Variants in DLG2 observed in about 807,000 individuals in gnomAD.
DLG2 encodes the protein discs large MAGUK scaffold protein 2.
In DLG2, 45 loss-of-function variants were observed where a neutral mutation model predicts 132.5. The ratio of observed to expected loss-of-function variants is 0.34; its 90% CI spans 0.27 to 0.44. The LOEUF (loss-of-function observed/expected upper bound fraction) is 0.44. DLG2 is among the 20% of genes least tolerant of loss of function. DLG2 has a pLI of 1.00. For synonymous variants in DLG2, 424 were observed against 419.6 expected (o/e 1.01, Z -0.13); for missense variants, 1,045 against 1,196.9 (o/e 0.87, Z 1.87).
intron 3 of DLG2, among the ~76,000 whole-genome samples, chr11:85,591,546 C>T (rs1451815872): frequency 1.3e-5 from 2 of 152,118 alleles, no homozygotes. Context: ...CAAGACCAGC[C>T]TGGTCAACAT....
intron 6 of DLG2, among the ~76,000 whole-genome samples, chr11:84,871,543 A>G (rs1433579141): frequency 6.6e-6 from 1 of 152,178 alleles, no homozygotes; most frequent in Non-Finnish European, 1.5e-5. Context: ...CTAAATAACC[A>G]AAGGGATGAA....
At chr11:83,780,711 G>A (rs1307212042) in intron 18 of DLG2, among the ~76,000 whole-genome samples, 1 of 152,144 alleles carries the variant, frequency 6.6e-6, no homozygotes, top group East Asian at 1.9e-4. Flanking sequence ...GTATTTAGAT[G>A]GGCGGGGTAG....
At position 83,509,368 on chromosome 11, in the gene DLG2, G is replaced by A. The variant is rs141188752; in HGVS notation, c.2193+23340C>T. Among the ~76,000 whole-genome samples the A allele has an allele frequency of 7.2e-5, 11 of 152,270 alleles. No homozygotes were observed. The East Asian group carries it at 2.1e-3, about 29-fold the overall frequency. On this transcript the variant is annotated intron_variant, in intron 21 of 27. Transcript: ENST00000376104. The stretch of plus-strand genomic sequence containing the variant: ...TGAGGCTCAGTGGTAACTTGTTCAA[G>A]GTCACAAATCTAGAAAACAGGAAAG...
intron 17 of DLG2, among the ~76,000 whole-genome samples, chr11:83,816,489 T>A (rs2153973359): frequency 6.6e-6 from 1 of 152,042 alleles, no homozygotes; most frequent in South Asian, 2.1e-4. Flanking sequence ...CCTCTGAACC[T>A]CAGTTTTTTT....
chr11:85,060,809 G>T (rs191447740), intron 6 of DLG2, among the ~76,000 whole-genome samples: 1 of 151,422 alleles, frequency 6.6e-6, no homozygotes, highest in East Asian at 1.9e-4. Flanking sequence ...GTGTATAAGG[G>T]TTCTAATTTC....
chr11:85,567,944 T>C (rs2077619960), intron 3 of DLG2, among the ~76,000 whole-genome samples: 1 of 152,138 alleles, frequency 6.6e-6, no homozygotes, highest in Admixed American at 6.5e-5. Flanking sequence ...TTTCACATTG[T>C]AAACCATCTT....
At chr11:84,666,444 T>A (rs2099699857) in intron 6 of DLG2, among the ~76,000 whole-genome samples, 1 of 152,138 alleles carries the variant, frequency 6.6e-6, no homozygotes, top group African/African-American at 2.4e-5. Flanking sequence ...CAATTCATTA[T>A]AATAAATCTC....
chr11:84,098,383 T>C (rs2097196157), intron 10 of DLG2, among the ~76,000 whole-genome samples: 1 of 152,174 alleles, frequency 6.6e-6, no homozygotes, highest in Non-Finnish European at 1.5e-5. Context: ...CCTTTTTTTC[T>C]GAGGGACAAC....
intron 6 of DLG2, among the ~76,000 whole-genome samples, chr11:84,658,736 C>T (rs904041868): frequency 6.6e-6 from 1 of 152,154 alleles, no homozygotes; most frequent in Non-Finnish European, 1.5e-5. Flanking sequence ...CCTCTTTTGC[C>T]TTCCACCACG....
intron 26 of DLG2, among the ~76,000 whole-genome samples, chr11:83,464,132 G>A (rs903909582): frequency 1.3e-5 from 2 of 152,216 alleles, no homozygotes; most frequent in African/African-American, 4.8e-5. Context: ...GGAGCAGGAA[G>A]GTAAAAGCAG....
chr11:85,585,719 T>G (rs952808271), intron 3 of DLG2, among the ~76,000 whole-genome samples: 13 of 152,040 alleles, frequency 8.6e-5, no homozygotes, highest in African/African-American at 2.7e-4. Context: ...ATCACAGTTT[T>G]TTTTTTTTTT....
intron 20 of DLG2, among the ~76,000 whole-genome samples, chr11:83,537,976 G>A (rs982670221): frequency 6.6e-6 from 1 of 151,988 alleles, no homozygotes; most frequent in Non-Finnish European, 1.5e-5. Context: ...CCACTTACTA[G>A]GTCTATAATT....
In DLG2 at chr11:85,061,691, T is replaced by A. The variant is rs144410296; in HGVS notation, c.357+49970A>T. ...ACACTATTGGCCAAATCCTAAGAAA[T>A]TGTGAACGACAAATTCCATCACTAA... On this transcript the variant is annotated intron_variant, in intron 6 of 27. Coordinates refer to ENST00000376104, the MANE Select transcript of DLG2 (RefSeq NM_001142699.3). Among the ~76,000 whole-genome samples, 638 of 151,982 alleles carry A rather than the reference T, an allele frequency of 4.2e-3. 8 individuals carry two copies. The highest frequency in any genetic ancestry group is 0.013 in the African/African-American group (523 of 41,526).
At chr11:85,214,107 C>T (rs2082422391) in intron 4 of DLG2, among the ~76,000 whole-genome samples, 1 of 152,156 alleles carries the variant, frequency 6.6e-6, no homozygotes, top group Non-Finnish European at 1.5e-5. Flanking sequence ...TCAGCCCATG[C>T]TGTTCACTCC....
chr11:84,279,750 T>A (rs907278632), intron 7 of DLG2, among the ~76,000 whole-genome samples: 3 of 151,686 alleles, frequency 2.0e-5, no homozygotes, highest in African/African-American at 7.3e-5. Flanking sequence ...TAAGTAGGAG[T>A]TGAACAATGA....
intron 6 of DLG2, among the ~76,000 whole-genome samples, chr11:84,651,873 C>T (rs1306904780): frequency 6.6e-6 from 1 of 151,964 alleles, no homozygotes; most frequent in Non-Finnish European, 1.5e-5. Context: ...ATTCTAAGAC[C>T]CCAAAGAGTC....
At chr11:85,099,784 A>C (rs577255774) in intron 6 of DLG2, among the ~76,000 whole-genome samples, 148 of 152,338 alleles carry the variant, frequency 9.7e-4, no homozygotes, top group Non-Finnish European at 1.3e-3. Context: ...TGGTCTAACA[A>C]TACCAGATAA....
At chr11:84,444,764 T>C (rs1236773398) in intron 7 of DLG2, among the ~76,000 whole-genome samples, 1 of 152,104 alleles carries the variant, frequency 6.6e-6, no homozygotes, top group Non-Finnish European at 1.5e-5. Flanking sequence ...TAGAGCACTT[T>C]TATAGTATCT....
At chr11:83,633,962 AAAAAC>A (rs2064132772) in intron 18 of DLG2, among the ~76,000 whole-genome samples, 1 of 152,088 alleles carries the variant, frequency 6.6e-6, no homozygotes, top group African/African-American at 2.4e-5. Context: ...GCAAAAAACA[AAAAAC>A]AAAAAACAAA....
Sources: gnomAD v4.1 joint callset for allele counts (sites outside exome capture counted in the v4.1 genomes callset) on GRCh38, gnomAD v4.1.1 for gene constraint, MANE v1.5 for transcripts, NCBI Gene and HGNC (gene_info 2026-07-23, HGNC 2026-07-21) for gene names.